SYT2: variants seen among roughly 807,000 people sequenced by gnomAD.
SYT2 encodes synaptotagmin-2.
SYT2 carries 15 observed loss-of-function variants against 39.9 expected under a neutral mutation model. That is an observed-to-expected ratio of 0.38 (90% CI 0.25 to 0.58). The LOEUF (loss-of-function observed/expected upper bound fraction) is 0.58. Ranked by LOEUF, SYT2 falls within the 20% of genes least tolerant of loss-of-function variation. The pLI is 0.70. For missense variants in SYT2, 389 were observed against 530.3 expected (o/e 0.73, Z 2.62); for synonymous variants, 181 against 204.5 (o/e 0.89, Z 0.98).
At chr1:202,705,650 T>C (rs10920459) in intron 1 of SYT2, among the ~76,000 whole-genome samples, 43,995 of 151,854 alleles carry the variant, frequency 0.29, 6,908 homozygotes, top group Admixed American at 0.4. Flanking sequence ...GCAGGGACTT[T>C]ATCCTCATCA....
chr1:202,620,942 G>A (rs1215079084), intron 1 of SYT2, among the ~76,000 whole-genome samples: 1 of 152,138 alleles, frequency 6.6e-6, no homozygotes, highest in East Asian at 1.9e-4. Context: ...GGGTGAACAG[G>A]GAATGATCTC....
rs372079994 is a variant in SYT2 at position 202,682,001 on chromosome 1, G to A, written c.-18+28257C>T. Among the ~76,000 whole-genome samples, 118 of 152,276 alleles carry A rather than the reference G, an allele frequency of 7.7e-4. 1 individual carries two copies. The East Asian group carries it at 0.012, about 15-fold the overall frequency. Reference sequence around the variant, plus strand: ...CTCCACCTGATGAGGCCAGGGCCACGGTGGCTGGTGAGCCACAGCCTTCCT... The same window carrying A: ...CTCCACCTGATGAGGCCAGGGCCACAGTGGCTGGTGAGCCACAGCCTTCCT... On this transcript the variant is annotated intron_variant, in intron 1 of 8. Coordinates refer to ENST00000367268, the MANE Select transcript of SYT2 (RefSeq NM_177402.5).
At chr1:202,630,363 C>T (rs1691549432) in intron 1 of SYT2, 2 of 985,018 alleles carry the variant, frequency 2.0e-6, no homozygotes, top group South Asian at 9.4e-5. Context: ...GAGCGCCGTG[C>T]ATCCCATCGC....
chr1:202,600,250 C>T (rs1489357568), intron 7 of SYT2, 107 bp downstream of exon 7: 15 of 918,810 alleles, frequency 1.6e-5, no homozygotes, highest in East Asian at 2.4e-5. Flanking sequence ...ACATCTCAGT[C>T]CCAGGGCAGC....
chr1:202,630,295 A>T (rs192111679), intron 1 of SYT2: 23 of 847,870 alleles, frequency 2.7e-5, no homozygotes, highest in Non-Finnish European at 3.1e-5. Flanking sequence ...GCTCCCACAC[A>T]CTCTGGCTTG....
At chr1:202,665,029 G>A (rs767350884) in intron 1 of SYT2, among the ~76,000 whole-genome samples, 2 of 152,146 alleles carry the variant, frequency 1.3e-5, no homozygotes, top group Non-Finnish European at 2.9e-5. Context: ...TTTTATTACT[G>A]AATATAGTAT....
At chr1:202,616,509 TATACACAC>T (rs970108245) in intron 1 of SYT2, among the ~76,000 whole-genome samples, 38 of 152,054 alleles carry the variant, frequency 2.5e-4, no homozygotes, top group African/African-American at 9.2e-4. Flanking sequence ...TGCACACACA[TATACACAC>T]GTGCACACAC....
intron 1 of SYT2, among the ~76,000 whole-genome samples, chr1:202,624,617 CAT>C (rs1469664763): frequency 4.0e-5 from 4 of 99,578 alleles, no homozygotes; most frequent in South Asian, 3.7e-4. Context: ...TGTGTGGTGT[CAT>C]AGAGTGTGTG....
intron 1 of SYT2, among the ~76,000 whole-genome samples, chr1:202,696,294 C>T (rs1416957324): frequency 1.3e-5 from 2 of 152,114 alleles, no homozygotes; most frequent in Non-Finnish European, 2.9e-5. Context: ...GCACACACCC[C>T]TGGCAGTGCC....
At chr1:202,676,341 C>T (rs907261701) in intron 1 of SYT2, among the ~76,000 whole-genome samples, 2 of 152,232 alleles carry the variant, frequency 1.3e-5, no homozygotes, top group Non-Finnish European at 2.9e-5. Flanking sequence ...CCAAAGCCAG[C>T]TCTTAGCTCA....
chr1:202,705,556 T>C (rs12048796), intron 1 of SYT2, among the ~76,000 whole-genome samples: 33,992 of 152,140 alleles, frequency 0.22, 4,284 homozygotes, highest in Middle Eastern at 0.36. Flanking sequence ...TGCTTGGCCA[T>C]TTTAATGGAC....
rs1690262801 is a variant in SYT2, at chr1:202,595,764, C to G, written c.*993G>C. On this transcript the variant is annotated 3_prime_UTR_variant, in exon 9 of 9. Transcript: ENST00000367268. ...GGAAAGGGAGAAAGCATCTGTGTTT[C>G]CCACTGGATGGGGTGAAGATCCAGG... The G allele has an allele frequency of 6.6e-6, 1 of 152,222 alleles. No homozygotes were observed. Among genetic ancestry groups the G allele is most frequent in the African/African-American group, 2.4e-5 (1 of 41,454 alleles). The allele number at this position is 152,222 out of a possible 1,614,324, so 9.4% of individuals were successfully genotyped here. A position where few individuals can be genotyped will look rare whatever the true frequency, so the allele number is the denominator to read the frequency against.
At chr1:202,709,532 G>A (rs1474151775) in intron 1 of SYT2, among the ~76,000 whole-genome samples, 2 of 152,240 alleles carry the variant, frequency 1.3e-5, no homozygotes, top group Non-Finnish European at 1.5e-5. Flanking sequence ...GTCCAGAAAA[G>A]GGAGTCGGGC....
intron 1 of SYT2, among the ~76,000 whole-genome samples, chr1:202,661,553 C>T (rs1692380735): frequency 1.3e-5 from 2 of 152,164 alleles, no homozygotes; most frequent in Non-Finnish European, 2.9e-5. Flanking sequence ...CTCGTGGTTG[C>T]CCTATGCCAC....
chr1:202,689,649 A>T (rs531053088), intron 1 of SYT2, among the ~76,000 whole-genome samples: 1 of 152,160 alleles, frequency 6.6e-6, no homozygotes, highest in African/African-American at 2.4e-5. Flanking sequence ...TTGAGTGTCC[A>T]GGGGGCAGGG....
At chr1:202,621,670 G>A (rs1331790853) in intron 1 of SYT2, among the ~76,000 whole-genome samples, 2 of 152,156 alleles carry the variant, frequency 1.3e-5, no homozygotes. Flanking sequence ...CGCCTGACCT[G>A]CTCCAGGTGG....
At chr1:202,600,281 AGT>A in intron 7 of SYT2, 74 bp downstream of exon 7, 1 of 1,199,508 alleles carries the variant, frequency 8.3e-7, no homozygotes, top group South Asian at 1.3e-5. Flanking sequence ...TCTTCACTGG[AGT>A]GTGCAAACTC....
intron 1 of SYT2, among the ~76,000 whole-genome samples, chr1:202,707,432 T>A (rs1001443972): frequency 6.6e-6 from 1 of 152,056 alleles, no homozygotes; most frequent in Non-Finnish European, 1.5e-5. Context: ...TTAAAGAGTA[T>A]CCCCACCACC....
rs577597912 is a variant in SYT2, at chr1:202,678,622, G to A, written c.-18+31636C>T. Among the ~76,000 whole-genome samples, 9 of 152,012 alleles carry A rather than the reference G, an allele frequency of 5.9e-5. No homozygotes were observed. The East Asian group carries it at 1.7e-3, about 29-fold the overall frequency. On this transcript the variant is annotated intron_variant, in intron 1 of 8. Coordinates refer to ENST00000367268, the MANE Select transcript of SYT2 (RefSeq NM_177402.5). ...GGCTTCCCCCCTCCCTATAGGCCTC[G>A]AGAGGTACTGTCCTTAGTCCTTTAC...
Sources: gnomAD v4.1 joint callset for allele counts (sites outside exome capture counted in the v4.1 genomes callset) on GRCh38, gnomAD v4.1.1 for gene constraint, MANE v1.5 for transcripts, NCBI Gene and HGNC (gene_info 2026-07-23, HGNC 2026-07-21) for gene names.